FOSL2: variants seen among roughly 807,000 people sequenced by gnomAD.
FOSL2 encodes fos-related antigen 2.
Under a neutral mutation model 27.7 loss-of-function variants are expected in FOSL2, and 3 were observed. The ratio of observed to expected loss-of-function variants is 0.11; its 90% CI spans 0.05 to 0.28. The LOEUF (loss-of-function observed/expected upper bound fraction) is 0.28, where lower values mean the gene tolerates loss of function less well. Ranked by LOEUF, FOSL2 falls within the 10% of genes least tolerant of loss-of-function variation. The pLI, the probability that FOSL2 is intolerant of heterozygous loss-of-function variation, is 1.00. For missense variants in FOSL2, 333 were observed against 445.1 expected (o/e 0.75, Z 2.27); for synonymous variants, 179 against 190.1 (o/e 0.94, Z 0.48).
intron 1 of FOSL2, among the ~76,000 whole-genome samples, chr2:28,398,707 C>T (rs1371863591): frequency 1.3e-5 from 2 of 152,212 alleles, no homozygotes; most frequent in Non-Finnish European, 2.9e-5. Flanking sequence ...TGAAGGGAGG[C>T]GAGTCACCTA....
At chr2:28,410,303 T>A (rs531496117) in intron 3 of FOSL2, among the ~76,000 whole-genome samples, 4 of 152,312 alleles carry the variant, frequency 2.6e-5, no homozygotes, top group African/African-American at 7.2e-5. Flanking sequence ...TTCAAGGAGC[T>A]GTGCCCCATG....
intron 1 of FOSL2, among the ~76,000 whole-genome samples, chr2:28,398,304 C>G (rs1419067523): frequency 2.0e-5 from 3 of 152,232 alleles, no homozygotes; most frequent in Non-Finnish European, 4.4e-5. Context: ...ATCCCTTCTC[C>G]ACTCCCTGGG....
At chr2:28,406,650 A>G (rs1394141070) in intron 2 of FOSL2, among the ~76,000 whole-genome samples, 1 of 152,118 alleles carries the variant, frequency 6.6e-6, no homozygotes, top group Non-Finnish European at 1.5e-5. Flanking sequence ...TTTGAGAGGG[A>G]GGGAGAGAAC....
At position 28,413,967 on chromosome 2, in the gene FOSL2, C is replaced by T; in HGVS notation, c.*1519C>T. 2.5e-6 allele frequency: 1 copy of T among 397,328 alleles called. No individual in the cohort carries two copies. Among genetic ancestry groups the T allele is most frequent in the Non-Finnish European group, 4.4e-6 (1 of 225,736 alleles). 24.6% of individuals were successfully genotyped at this position (397,328 alleles called of 1,614,324 possible). On this transcript the variant is annotated 3_prime_UTR_variant, in exon 4 of 4. Transcript: ENST00000264716. ...CCCCTGGCCTCCAGCAGGAGCACAG[C>T]TCAGCAGGGTCCCTGCTGCCCACCC...
Position 28,412,178 on chromosome 2 carries a change from G to T in FOSL2, c.711G>T (p.Gly237=). 1 of 1,608,806 alleles carries T rather than the reference G, an allele frequency of 6.2e-7. No individual in the cohort carries two copies. The highest frequency in any genetic ancestry group is 8.5e-7 in the Non-Finnish European group (1 of 1,176,890). ...ACAGCCCCTCGTCCTCGTCGGCGGG[G>T]CTGGACAAGGCCCAGCGCTCTGTCA... ...EEDSPSSSSA[G]LDKAQRSVIK... The change falls in exon 4 of 4, where the codon GGG becomes GGT. Residue 237 remains glycine, a synonymous_variant. Coordinates refer to ENST00000264716, the MANE Select transcript of FOSL2 (RefSeq NM_005253.4). This position sits in a 1 kb window ranked among gnomAD's most constrained non-coding sequence, Gnocchi z 7.1.
At position 28,412,180 on chromosome 2, in the gene FOSL2, T is replaced by C. The variant is rs1360346178; in HGVS notation, c.713T>C (p.Leu238Pro). The C allele has an allele frequency of 6.2e-7, 1 of 1,608,308 alleles. No homozygotes were observed. The highest frequency in any genetic ancestry group is 1.1e-5 in the South Asian group (1 of 90,984). ...EDSPSSSSAG[L>P]DKAQRSVIKP... ...AGCCCCTCGTCCTCGTCGGCGGGGC[T>C]GGACAAGGCCCAGCGCTCTGTCATC... Residue 238 changes from leucine to proline, a missense_variant, in exon 4 of 4, where the codon CTG becomes CCG. Around this residue, in one of 4 missense-constraint regions of FOSL2, gnomAD observed 136 missense variants for 123.7 expected, o/e 1.10. Coordinates refer to ENST00000264716, the MANE Select transcript of FOSL2 (RefSeq NM_005253.4). This position sits in a 1 kb window ranked among gnomAD's most constrained non-coding sequence, Gnocchi z 7.1.
In FOSL2 at chr2:28,416,063, G is replaced by T. The variant is rs1285929332; in HGVS notation, c.*3615G>T. Reference sequence around the variant, plus strand: ...AAGGAGTCTTTGCTACCTTCTGCTTGTTGAGTTGTTTTGGCATTCATATTA... The same window carrying T: ...AAGGAGTCTTTGCTACCTTCTGCTTTTTGAGTTGTTTTGGCATTCATATTA... On this transcript the variant is annotated 3_prime_UTR_variant, in exon 4 of 4. Coordinates refer to ENST00000264716, the MANE Select transcript of FOSL2 (RefSeq NM_005253.4). The T allele has an allele frequency of 2.0e-5, 3 of 151,958 alleles. No homozygotes were observed. The highest frequency in any genetic ancestry group is 2.9e-5 in the Non-Finnish European group (2 of 68,010). The allele number at this position is 151,958 out of a possible 1,614,324, so 9.4% of individuals were successfully genotyped here.
At position 28,412,814 on chromosome 2, in the gene FOSL2, C is replaced by G. The variant is rs1211620295; in HGVS notation, c.*366C>G. On this transcript the variant is annotated 3_prime_UTR_variant, in exon 4 of 4. Transcript: ENST00000264716. This position sits in a 1 kb window ranked among gnomAD's most constrained non-coding sequence, Gnocchi z 7.1. The stretch of plus-strand genomic sequence containing the variant: ...TGTCTCTGGAGTGATGGTGTCCTTC[C>G]CTGCCCCACCACGCATGCTCAGTGC... 4.5e-6 allele frequency: 1 copy of G among 220,898 alleles called. No individual in the cohort carries two copies. Among genetic ancestry groups the G allele is most frequent in the African/African-American group, 2.2e-5 (1 of 44,770 alleles). 13.7% of individuals were successfully genotyped at this position (220,898 alleles called of 1,614,324 possible). A position where few individuals can be genotyped will look rare whatever the true frequency, so the allele number is the denominator to read the frequency against.
intron 2 of FOSL2, among the ~76,000 whole-genome samples, chr2:28,407,263 G>T (rs1422556374): frequency 6.6e-6 from 1 of 152,236 alleles, no homozygotes; most frequent in Non-Finnish European, 1.5e-5. Context: ...CTGCAGCAGG[G>T]CCATAAGGCT....
Position 28,413,755 on chromosome 2 carries a change from A to G in FOSL2, c.*1307A>G. 2.5e-6 allele frequency: 1 copy of G among 398,890 alleles called. No homozygotes were observed. Among genetic ancestry groups the G allele is most frequent in the Non-Finnish European group, 4.4e-6 (1 of 226,288 alleles). 24.7% of individuals were successfully genotyped at this position (398,890 alleles called of 1,614,324 possible). A position where few individuals can be genotyped will look rare whatever the true frequency, so the allele number is the denominator to read the frequency against. On this transcript the variant is annotated 3_prime_UTR_variant, in exon 4 of 4. Transcript: ENST00000264716. Reference sequence around the variant, plus strand: ...TTTTACACTCCCCTGTCCCCACCCCAGTGCACTCTTCTGGCCCAGGCAGCA... The same window carrying G: ...TTTTACACTCCCCTGTCCCCACCCCGGTGCACTCTTCTGGCCCAGGCAGCA...
chr2:28,406,225 AT>A (rs941901861), intron 2 of FOSL2, among the ~76,000 whole-genome samples: 2 of 151,618 alleles, frequency 1.3e-5, no homozygotes, highest in South Asian at 4.2e-4. Flanking sequence ...TGCCTGGCTA[AT>A]TTTTTTTGTA....
Position 28,393,250 on chromosome 2 carries a change from C to T in FOSL2, c.-471C>T. 4.7e-6 allele frequency: 1 copy of T among 213,088 alleles called. No homozygotes were observed. The highest frequency in any genetic ancestry group is 1.1e-4 in the South Asian group (1 of 9,320). The allele number at this position is 213,088 out of a possible 1,614,324, so 13.2% of individuals were successfully genotyped here. A position where few individuals can be genotyped will look rare whatever the true frequency, so the allele number is the denominator to read the frequency against. ...CTAAAAGGAAGAAACAGAAGTTTCT[C>T]CCAGCGGACAGCTTTTCTTTCCGCC... On this transcript the variant is annotated 5_prime_UTR_variant, in exon 1 of 4. Coordinates refer to ENST00000264716, the MANE Select transcript of FOSL2 (RefSeq NM_005253.4). This position sits in a 1 kb window ranked among gnomAD's most constrained non-coding sequence, Gnocchi z 4.6.
chr2:28,413,472 C>T lies in FOSL2; in HGVS notation c.*1024C>T. 2.5e-6 allele frequency: 1 copy of T among 398,738 alleles called. No homozygotes were observed. The highest frequency in any genetic ancestry group is 4.4e-6 in the Non-Finnish European group (1 of 226,164). 24.7% of individuals were successfully genotyped at this position (398,738 alleles called of 1,614,324 possible). A position where few individuals can be genotyped will look rare whatever the true frequency, so the allele number is the denominator to read the frequency against. On this transcript the variant is annotated 3_prime_UTR_variant, in exon 4 of 4. Coordinates refer to ENST00000264716, the MANE Select transcript of FOSL2 (RefSeq NM_005253.4). ...CACCCTGGCTCTCAGGGTGACGCCA[C>T]CCACAGAGATTTAATGAGCGTGGGC...
chr2:28,403,786 G>A (rs1463462074), intron 1 of FOSL2, among the ~76,000 whole-genome samples: 3 of 152,180 alleles, frequency 2.0e-5, no homozygotes, highest in African/African-American at 4.8e-5. Flanking sequence ...AGGGCCTGCC[G>A]AGTGTGAGTG....
At chr2:28,395,208 C>T (rs75482533) in intron 1 of FOSL2, among the ~76,000 whole-genome samples, 1,570 of 152,270 alleles carry the variant, frequency 0.01, 20 homozygotes, top group African/African-American at 0.034. Flanking sequence ...ATGTTTGCTT[C>T]CCAGCCCCGC....
chr2:28,408,897 T>G lies in FOSL2; in HGVS notation c.462+31T>G, dbSNP rs1664136085. On this transcript the variant is annotated intron_variant, in intron 3 of 3. Transcript: ENST00000264716. This position sits in a 1 kb window ranked among gnomAD's most constrained non-coding sequence, Gnocchi z 4.1. ...GAACTCTGCGTAGGGTGGGAGCACCTCTGGGTGGGCTGGAGTGAGAGCCCC... is the reference window on the plus strand; with the variant it reads ...GAACTCTGCGTAGGGTGGGAGCACCGCTGGGTGGGCTGGAGTGAGAGCCCC... 6.6e-7 allele frequency: 1 copy of G among 1,517,102 alleles called. No individual in the cohort carries two copies. The highest frequency in any genetic ancestry group is 1.2e-5 in the South Asian group (1 of 82,812). The allele number at this position is 1,517,102 out of a possible 1,614,324, so 94.0% of individuals were successfully genotyped here.
In FOSL2 at chr2:28,416,123, G is replaced by A. The variant is rs1472665987; in HGVS notation, c.*3675G>A. 6.6e-6 allele frequency: 1 copy of A among 151,972 alleles called. No homozygotes were observed. Among genetic ancestry groups the A allele is most frequent in the African/African-American group, 2.4e-5 (1 of 41,382 alleles). 9.4% of individuals were successfully genotyped at this position (151,972 alleles called of 1,614,324 possible). A position where few individuals can be genotyped will look rare whatever the true frequency, so the allele number is the denominator to read the frequency against. On this transcript the variant is annotated 3_prime_UTR_variant, in exon 4 of 4. Transcript: ENST00000264716. ...ATCTCACTATTTATTGACAGGTTGG[G>A]CTGTGTGTGTGCGCATGTGTGTATA... is the stretch of plus-strand genomic sequence containing the variant.
chr2:28,393,412 A>C lies in FOSL2; in HGVS notation c.-309A>C. ...AGCTCCGGCTGCGCGCGGGGGCGGGAGGGCGCGCGCAGGGGAGGGACCGAG... is the reference window on the plus strand; with the variant it reads ...AGCTCCGGCTGCGCGCGGGGGCGGGCGGGCGCGCGCAGGGGAGGGACCGAG... On this transcript the variant is annotated 5_prime_UTR_variant, in exon 1 of 4. Coordinates refer to ENST00000264716, the MANE Select transcript of FOSL2 (RefSeq NM_005253.4). The surrounding 1 kb of genome is among the most constrained non-coding windows in gnomAD (Gnocchi z 4.6). The C allele has an allele frequency of 1.2e-5, 4 of 324,346 alleles. No individual in the cohort carries two copies. Among genetic ancestry groups the C allele is most frequent in the East Asian group, 7.1e-5 (1 of 14,184 alleles). 20.1% of individuals were successfully genotyped at this position (324,346 alleles called of 1,614,324 possible). A position where few individuals can be genotyped will look rare whatever the true frequency, so the allele number is the denominator to read the frequency against.
rs1206789077 is a variant in FOSL2, at chr2:28,393,642, C to T, written c.-79C>T. On this transcript the variant is annotated 5_prime_UTR_variant, in exon 1 of 4. Coordinates refer to ENST00000264716, the MANE Select transcript of FOSL2 (RefSeq NM_005253.4). This position sits in a 1 kb window ranked among gnomAD's most constrained non-coding sequence, Gnocchi z 4.6. ...GGCGCGGCCGGCGGACGAACGAGCGCGCAGCAGCCGGTGCGCGGCCGCGGC... is the reference window on the plus strand; with the variant it reads ...GGCGCGGCCGGCGGACGAACGAGCGTGCAGCAGCCGGTGCGCGGCCGCGGC... 2.7e-6 allele frequency: 3 copies of T among 1,103,332 alleles called. No homozygotes were observed. Among genetic ancestry groups the T allele is most frequent in the Non-Finnish European group, 4.0e-6 (3 of 756,450 alleles). 68.3% of individuals were successfully genotyped at this position (1,103,332 alleles called of 1,614,324 possible).
Sources: gnomAD v4.1 joint callset for allele counts (sites outside exome capture counted in the v4.1 genomes callset) on GRCh38, gnomAD v4.1.1 for gene constraint, gnomAD v4.1.1 regional missense constraint, Gnocchi (gnomAD v3.1) non-coding constraint, MANE v1.5 for transcripts, NCBI Gene and HGNC (gene_info 2026-07-23, HGNC 2026-07-21) for gene names.